The following SPAG9 variants were observed in gnomAD, a reference collection of about 807,000 sequenced individuals.
SPAG9 encodes the protein C-Jun-amino-terminal kinase-interacting protein 4.
A neutral mutation model predicts 166.5 loss-of-function variants in SPAG9; 35 were observed. That is an observed-to-expected ratio of 0.21 (90% CI 0.16 to 0.28). The LOEUF (loss-of-function observed/expected upper bound fraction) is 0.28. SPAG9 is among the 10% of genes least tolerant of loss of function. The probability of loss-of-function intolerance (pLI) is 1.00; values close to 1 mark genes in which losing one functional copy is unlikely to be tolerated. For missense variants in SPAG9, 1,235 were observed against 1,603.3 expected (o/e 0.77, Z 3.92); for synonymous variants, 534 against 565.5 (o/e 0.94, Z 0.79).
intron 5 of SPAG9, among the ~76,000 whole-genome samples, chr17:51,037,665 T>TTTTATATATA (rs1239466619): frequency 6.5e-5 from 6 of 92,930 alleles, no homozygotes; most frequent in African/African-American, 2.2e-4. Context: ...TATATGTGTT[T>TTTTATATATA]TATATATATA....
At chr17:51,101,331 G>A (rs62063011) in intron 1 of SPAG9, among the ~76,000 whole-genome samples, 15,435 of 128,894 alleles carry the variant, frequency 0.12, 1,046 homozygotes, top group Middle Eastern at 0.17. Context: ...GAGTGACACT[G>A]TGAGATTCTG....
At chr17:51,110,468 A>C (rs1338679625) in intron 1 of SPAG9, among the ~76,000 whole-genome samples, 1 of 151,888 alleles carries the variant, frequency 6.6e-6, no homozygotes, top group Non-Finnish European at 1.5e-5. Flanking sequence ...AGGCAGGCAG[A>C]TCACTTGAGC....
At chr17:51,046,817 G>A (rs1375756972) in intron 4 of SPAG9, 15 of 1,533,192 alleles carry the variant, frequency 9.8e-6, no homozygotes, top group African/African-American at 2.7e-5. Context: ...GCTCCCAAGC[G>A]ATGACGTCAT....
Position 50,965,907 on chromosome 17 carries a change from C to T in SPAG9, c.*365G>A. 5.2e-6 allele frequency: 1 copy of T among 193,396 alleles called. No individual in the cohort carries two copies. Among genetic ancestry groups the T allele is most frequent in the South Asian group, 1.1e-4 (1 of 9,124 alleles). The allele number at this position is 193,396 out of a possible 1,614,324, so 12.0% of individuals were successfully genotyped here. A position where few individuals can be genotyped will look rare whatever the true frequency, so the allele number is the denominator to read the frequency against. On this transcript the variant is annotated 3_prime_UTR_variant, in exon 30 of 30. Transcript: ENST00000262013. ...TACAGTTTCATTTATCAAGTGTTTC[C>T]CATTAATTCCATTATTAGTGACAGC...
chr17:51,111,565 T>C (rs537065490), intron 1 of SPAG9, among the ~76,000 whole-genome samples: 2 of 152,266 alleles, frequency 1.3e-5, no homozygotes, highest in African/African-American at 2.4e-5. Flanking sequence ...AGTTTGGTAC[T>C]ATACCCAGTT....
intron 4 of SPAG9, among the ~76,000 whole-genome samples, chr17:51,042,249 A>G (rs935172146): frequency 2.0e-5 from 3 of 152,224 alleles, no homozygotes; most frequent in African/African-American, 7.2e-5. Flanking sequence ...CAAGCACAGT[A>G]CATATGAGAA....
At chr17:51,037,836 G>C (rs1008699678) in intron 5 of SPAG9, among the ~76,000 whole-genome samples, 2 of 151,048 alleles carry the variant, frequency 1.3e-5, no homozygotes, top group Non-Finnish European at 2.9e-5. Flanking sequence ...AAAGTACTCA[G>C]ACTACAAGCA....
intron 5 of SPAG9, among the ~76,000 whole-genome samples, chr17:51,038,561 G>C (rs138498339): frequency 6.8e-4 from 104 of 152,350 alleles, no homozygotes; most frequent in African/African-American, 2.5e-3. Flanking sequence ...TGTTGGTGCA[G>C]TAGGTAGGAC....
intron 13 of SPAG9, among the ~76,000 whole-genome samples, chr17:51,000,758 TA>T (rs2044908804): frequency 8.4e-5 from 1 of 11,958 alleles, no homozygotes; most frequent in East Asian, 8.1e-3. Context: ...AATGAATGAA[TA>T]AATAAATAAA....
At chr17:51,104,874 A>G (rs1313520748) in intron 1 of SPAG9, among the ~76,000 whole-genome samples, 1 of 146,922 alleles carries the variant, frequency 6.8e-6, no homozygotes, top group Non-Finnish European at 1.5e-5. Context: ...CGGAGCTTGC[A>G]GTGAGCCGAG....
chr17:51,049,807 A>G (rs888626585), intron 3 of SPAG9, among the ~76,000 whole-genome samples: 2 of 152,234 alleles, frequency 1.3e-5, no homozygotes, highest in African/African-American at 4.8e-5. Flanking sequence ...CATGTTGGCC[A>G]GGCTGGTCTC....
chr17:51,048,513 T>C (rs1046167441), intron 3 of SPAG9, among the ~76,000 whole-genome samples: 3 of 152,048 alleles, frequency 2.0e-5, no homozygotes, highest in African/African-American at 7.2e-5. Flanking sequence ...ACGCTGTACA[T>C]AGAATAGCTT....
At position 51,073,635 on chromosome 17, in the gene SPAG9, G is replaced by A. The variant is rs142331611; in HGVS notation, c.424+5949C>T. On this transcript the variant is annotated intron_variant, in intron 2 of 29. Coordinates refer to ENST00000262013, the MANE Select transcript of SPAG9 (RefSeq NM_001130528.3). ...TTCCCCCCAGAAAAAGTGGGGGAATGTTTAAGTGTGGTAAAATAAAAACTC... is the reference window on the plus strand; with the variant it reads ...TTCCCCCCAGAAAAAGTGGGGGAATATTTAAGTGTGGTAAAATAAAAACTC... Among the ~76,000 whole-genome samples, 411 of 152,176 alleles carry A rather than the reference G, an allele frequency of 2.7e-3. 1 individual carries two copies. Among genetic ancestry groups the A allele is most frequent in the African/African-American group, 9.1e-3 (378 of 41,542 alleles).
At chr17:51,021,575 T>C (rs954698504) in intron 6 of SPAG9, among the ~76,000 whole-genome samples, 1 of 152,166 alleles carries the variant, frequency 6.6e-6, no homozygotes, top group African/African-American at 2.4e-5. Flanking sequence ...TTTTTTCAAA[T>C]GATATTTTTC....
chr17:51,099,159 C>T (rs1348873961), intron 1 of SPAG9, among the ~76,000 whole-genome samples: 1 of 149,728 alleles, frequency 6.7e-6, no homozygotes, highest in Non-Finnish European at 1.5e-5. Flanking sequence ...ATTGGCCAGG[C>T]GTGGTGGCTC....
chr17:51,047,451 C>T lies in SPAG9; in HGVS notation c.514G>A (p.Glu172Lys). Reference sequence around the variant, plus strand: ...TGAAGTTTTGTTCTTTCTAAATGTTCCATATAATTATGGATCATCTATTTT... The same window carrying T: ...TGAAGTTTTGTTCTTTCTAAATGTTTCATATAATTATGGATCATCTATTTT... Reference protein sequence around the residue: ...RHTEMIHNYMEHLERTKLHQL... With the variant: ...RHTEMIHNYMKHLERTKLHQL... Residue 172 changes from glutamate to lysine, a missense_variant, in exon 4 of 30, where the codon GAA (glutamate) becomes AAA (lysine). By Grantham distance (56) the Glu-to-Lys change is moderately conservative. Coordinates refer to ENST00000262013, the MANE Select transcript of SPAG9 (RefSeq NM_001130528.3). 5 of 1,554,358 alleles carry T rather than the reference C, an allele frequency of 3.2e-6. No homozygotes were observed. The highest frequency in any genetic ancestry group is 4.4e-6 in the Non-Finnish European group (5 of 1,138,574).
chr17:51,077,061 T>TCTAGCTATCTAGCTAGCTATCTAG (rs2048024152), intron 2 of SPAG9, among the ~76,000 whole-genome samples: 1 of 109,656 alleles, frequency 9.1e-6, no homozygotes, highest in African/African-American at 3.6e-5. Context: ...TAGCTAGCTA[T>TCTAGCTATCTAGCTAGCTATCTAG]CTAGCTAGCT....
intron 1 of SPAG9, among the ~76,000 whole-genome samples, chr17:51,116,253 C>T (rs945068042): frequency 2.7e-4 from 41 of 152,168 alleles, no homozygotes; most frequent in African/African-American, 8.0e-4. Context: ...ATCATGTTGG[C>T]GAGGCTGGTC....
intron 10 of SPAG9, among the ~76,000 whole-genome samples, 196 bp from the exon 11 acceptor site, chr17:51,006,433 T>C (rs2045221835): frequency 6.6e-6 from 1 of 152,148 alleles, no homozygotes; most frequent in Non-Finnish European, 1.5e-5. Flanking sequence ...ATTTATCAAA[T>C]GAATAAAACA....
Sources: allele counts gnomAD v4.1 joint callset (sites outside exome capture counted in the v4.1 genomes callset), GRCh38; gene constraint gnomAD v4.1.1; transcripts MANE v1.5; gene names NCBI Gene and HGNC (gene_info 2026-07-23, HGNC 2026-07-21).